FAT3: variants seen among roughly 807,000 people sequenced by gnomAD.
The protein encoded by FAT3 is FAT atypical cadherin 3.
Under a neutral mutation model 310.2 loss-of-function variants are expected in FAT3, and 95 were observed. That is an observed-to-expected ratio of 0.31 (90% CI 0.26 to 0.36). The LOEUF (loss-of-function observed/expected upper bound fraction) is 0.36. FAT3 is among the 10% of genes least tolerant of loss of function. The pLI is 1.00. For missense variants in FAT3, 5,408 were observed against 5,715.6 expected (o/e 0.95, Z 1.74); for synonymous variants, 2,314 against 2,192.9 (o/e 1.06, Z -1.54).
intron 3 of FAT3, among the ~76,000 whole-genome samples, chr11:92,528,985 G>T (rs974312416): frequency 6.6e-5 from 10 of 152,222 alleles, no homozygotes; most frequent in African/African-American, 2.4e-4. Flanking sequence ...AGGCAGCCAT[G>T]TCTTGCCTTA....
At chr11:92,446,242 T>C (rs1377293885) in intron 2 of FAT3, among the ~76,000 whole-genome samples, 1 of 152,202 alleles carries the variant, frequency 6.6e-6, no homozygotes, top group Non-Finnish European at 1.5e-5. Flanking sequence ...AATCACAAAA[T>C]AGCCCTAGGT....
At chr11:92,824,541 G>A (rs774664525) in intron 13 of FAT3, among the ~76,000 whole-genome samples, 3 of 152,136 alleles carry the variant, frequency 2.0e-5, no homozygotes, top group African/African-American at 4.8e-5. Flanking sequence ...CTGCATTTTC[G>A]AGTGGTATGG....
At chr11:92,516,636 C>T (rs151287426) in intron 2 of FAT3, among the ~76,000 whole-genome samples, 274 of 152,110 alleles carry the variant, frequency 1.8e-3, no homozygotes, top group Non-Finnish European at 2.9e-3. Flanking sequence ...AAGTTCTGGC[C>T]AGAGCAATCA....
chr11:92,505,238 C>T (rs1953064410), intron 2 of FAT3, among the ~76,000 whole-genome samples: 1 of 152,100 alleles, frequency 6.6e-6, no homozygotes, highest in Admixed American at 6.6e-5. Context: ...ACCATCAGAT[C>T]ATGTATGGGC....
chr11:92,472,026 C>G (rs1402144420), intron 2 of FAT3, among the ~76,000 whole-genome samples: 2 of 146,790 alleles, frequency 1.4e-5, no homozygotes, highest in East Asian at 4.1e-4. Context: ...TTTTAAAATG[C>G]AAAAGATTAT....
At chr11:92,313,340 A>G (rs547940032) in intron 1 of FAT3, among the ~76,000 whole-genome samples, 74 of 152,250 alleles carry the variant, frequency 4.9e-4, no homozygotes, top group South Asian at 3.9e-3. Context: ...ACCACTTCAC[A>G]ATAACCCACA....
intron 5 of FAT3, 82 bp from the exon 6 acceptor site, chr11:92,764,797 C>T (rs1330415791): frequency 1.4e-5 from 18 of 1,319,634 alleles, no homozygotes; most frequent in Non-Finnish European, 1.9e-5. Context: ...GGACTCTTGG[C>T]CCAGCAACAT....
At chr11:92,355,545 T>C in intron 2 of FAT3, 141 bp downstream of exon 2, 2 of 765,348 alleles carry the variant, frequency 2.6e-6, no homozygotes, top group Non-Finnish European at 4.0e-6. Flanking sequence ...ACATAGATGC[T>C]TTTTCTTAGG....
chr11:92,331,003 T>TGTGTGTGA (rs1280550527), intron 1 of FAT3, among the ~76,000 whole-genome samples: 105 of 133,560 alleles, frequency 7.9e-4, no homozygotes, highest in Admixed American at 7.6e-3. Flanking sequence ...TGTGTGTGTG[T>TGTGTGTGA]GAGAGAGAGA....
chr11:92,855,233 C>T (rs1048004410), intron 19 of FAT3, among the ~76,000 whole-genome samples: 2 of 152,174 alleles, frequency 1.3e-5, no homozygotes, highest in Non-Finnish European at 2.9e-5. Context: ...AACATTAAGG[C>T]AGGCCTGAGG....
Position 92,691,456 on chromosome 11 carries a change from C to T in FAT3, c.3608-5928C>T, listed in dbSNP as rs187435119. ...TCTCACCCAGGCTGTAGTGCAGTGA[C>T]GTAATCATAGCTCAGTGTAACCTCA... On this transcript the variant is annotated intron_variant, in intron 3 of 27. Transcript: ENST00000525166. Among the ~76,000 whole-genome samples the T allele has an allele frequency of 3.2e-4, 49 of 152,104 alleles. No homozygotes were observed. In the East Asian group the frequency reaches 7.0e-3, roughly 22 times the overall value.
chr11:92,705,461 ATGGTGGTGGTGGTG>A (rs1944262366), intron 4 of FAT3, among the ~76,000 whole-genome samples: 1 of 22,090 alleles, frequency 4.5e-5, no homozygotes, highest in African/African-American at 1.6e-4. Context: ...TGGTGGTGTG[ATGGTGGTGGTGGTG>A]TGATAGTGGT....
chr11:92,476,539 G>T (rs1952057169), intron 2 of FAT3, among the ~76,000 whole-genome samples: 2 of 152,156 alleles, frequency 1.3e-5, no homozygotes, highest in South Asian at 4.1e-4. Flanking sequence ...GCAATAACAT[G>T]AGATGCTGCA....
At chr11:92,286,355 C>T (rs185076233) in intron 1 of FAT3, among the ~76,000 whole-genome samples, 202 of 152,210 alleles carry the variant, frequency 1.3e-3, no homozygotes, top group Middle Eastern at 3.4e-3. Context: ...CCTGGATAAT[C>T]GAGCAGTGCG....
At chr11:92,709,372 A>G (rs1944454452) in intron 4 of FAT3, among the ~76,000 whole-genome samples, 2 of 152,226 alleles carry the variant, frequency 1.3e-5, no homozygotes, top group South Asian at 4.1e-4. Flanking sequence ...AATATTCAGC[A>G]GCAGATATCA....
Position 92,837,654 on chromosome 11 carries a change from C to T in FAT3, c.10225-9C>T. 6.2e-7 allele frequency: 1 copy of T among 1,613,566 alleles called. No individual in the cohort carries two copies. The highest frequency in any genetic ancestry group is 8.5e-7 in the Non-Finnish European group (1 of 1,179,728). ...ACCTCTTTACTGTCACCTCTTTGTA[C>T]CTTGGCAGGTGTCTGGATACTCTCT... On this transcript the variant is annotated splice_polypyrimidine_tract_variant and intron_variant, in intron 16 of 27. Transcript: ENST00000525166.
chr11:92,758,819 A>G (rs1946069801), intron 4 of FAT3, among the ~76,000 whole-genome samples: 1 of 152,168 alleles, frequency 6.6e-6, no homozygotes, highest in Non-Finnish European at 1.5e-5. Flanking sequence ...TTGGTCCCCA[A>G]GTTCAATTGG....
chr11:92,773,554 G>A (rs1187542906), intron 6 of FAT3, among the ~76,000 whole-genome samples: 5 of 151,760 alleles, frequency 3.3e-5, no homozygotes, highest in Admixed American at 6.6e-5. Context: ...TATTTCTGAC[G>A]TTTAATTAAG....
intron 2 of FAT3, among the ~76,000 whole-genome samples, chr11:92,429,641 C>G (rs1043877221): frequency 6.6e-6 from 1 of 152,104 alleles, no homozygotes; most frequent in Admixed American, 6.5e-5. Flanking sequence ...ATGTGTGAAG[C>G]TTTGTTTGGC....
Sources: allele counts gnomAD v4.1 joint callset (sites outside exome capture counted in the v4.1 genomes callset), GRCh38; gene constraint gnomAD v4.1.1; transcripts MANE v1.5; gene names NCBI Gene and HGNC (gene_info 2026-07-23, HGNC 2026-07-21).